Variants in WDR97 observed in about 807,000 individuals in gnomAD.
WDR97 encodes WD repeat-containing protein 97.
Under a neutral mutation model 65.4 loss-of-function variants are expected in WDR97, and 111 were observed. The ratio of observed to expected loss-of-function variants is 1.70; its 90% CI spans 1.45 to 1.99. The LOEUF is 1.99. Among genes scored for constraint, WDR97 ranks in the 30% most tolerant of loss-of-function variants. WDR97 has a pLI of 0.00. For missense variants in WDR97, 1,674 were observed against 865.0 expected (o/e 1.94, Z -11.73); for synonymous variants, 802 against 397.7 (o/e 2.02, Z -12.10).
chr8:144,108,503 C>T lies in WDR97; in HGVS notation c.437C>T (p.Ala146Val). 1 of 700,874 alleles carries T rather than the reference C, an allele frequency of 1.4e-6. No individual in the cohort carries two copies. The highest frequency in any genetic ancestry group is 2.0e-5 in the Admixed American group (1 of 49,970). 43.4% of individuals were successfully genotyped at this position (700,874 alleles called of 1,614,324 possible). Residue 146 changes from alanine (A) to valine (V), a missense_variant, in exon 3 of 24, where the codon GCG (alanine) becomes GTG (valine). Physicochemically the swap from Ala to Val is moderately conservative, Grantham distance 64. Coordinates refer to ENST00000323662, the MANE Select transcript of WDR97 (RefSeq NM_001316309.2). ...GGCTGGGCACAGGAGACGCTGCTGG[C>T]GCCTGTCCGGCTTACGGGGCTGGTG... ...EDGWAQETLL[A>V]PVRLTGLVTV...
Position 144,109,701 on chromosome 8 carries a change from A to G in WDR97, c.1367A>G (p.Tyr456Cys), listed in dbSNP as rs530302238. 1.2e-4 allele frequency: 81 copies of G among 677,396 alleles called. No individual in the cohort carries two copies. In the African/African-American group the frequency reaches 1.3e-3, roughly 11 times the overall value. The allele number at this position is 677,396 out of a possible 1,614,324, so 42.0% of individuals were successfully genotyped here. A position where few individuals can be genotyped will look rare whatever the true frequency, so the allele number is the denominator to read the frequency against. The change falls in exon 5 of 24, where the codon TAC becomes TGC. Residue 456 changes from tyrosine to cysteine, a missense_variant. Physicochemically the swap from Tyr to Cys is radical, Grantham distance 194. Transcript: ENST00000323662. Reference sequence around the variant, plus strand: ...TGCGCGTGCGCCGACGGCTCGGTCTACCTCCTGTCGGCGGCCACCGGGCGC... The same window carrying G: ...TGCGCGTGCGCCGACGGCTCGGTCTGCCTCCTGTCGGCGGCCACCGGGCGC... ...LVCACADGSV[Y>C]LLSAATGRIV...
intron 15 of WDR97, chr8:144,113,039 G>T (rs1028967030): frequency 1.3e-4 from 44 of 335,372 alleles, no homozygotes; most frequent in South Asian, 3.9e-4. Context: ...TGACTCTTTG[G>T]GCCTGGGTGC....
At chr8:144,112,920 C>T (rs1030895519) in intron 15 of WDR97, 1 of 305,742 alleles carries the variant, frequency 3.3e-6, no homozygotes, top group Non-Finnish European at 6.1e-6. Context: ...GGGAACCTGG[C>T]CCTTTAGAAT....
chr8:144,115,578 T>C lies in WDR97; in HGVS notation c.4315T>C (p.Ser1439Pro). 2.9e-6 allele frequency: 2 copies of C among 692,828 alleles called. No homozygotes were observed. Among genetic ancestry groups the C allele is most frequent in the South Asian group, 3.0e-5 (2 of 67,126 alleles). The allele number at this position is 692,828 out of a possible 1,614,324, so 42.9% of individuals were successfully genotyped here. A position where few individuals can be genotyped will look rare whatever the true frequency, so the allele number is the denominator to read the frequency against. Residue 1439 changes from serine (S) to proline (P), a missense_variant, in exon 22 of 24, where the codon TCC (serine) becomes CCC (proline). Coordinates refer to ENST00000323662, the MANE Select transcript of WDR97 (RefSeq NM_001316309.2). ...GTPQLRLRVL[S>P]ETLKSFCLEP... ...CCCTCAGCTCCGTCTCAGAGTGCTCTCCGAGACGCTGAAGAGCTTCTGCCT... is the reference window on the plus strand; with the variant it reads ...CCCTCAGCTCCGTCTCAGAGTGCTCCCCGAGACGCTGAAGAGCTTCTGCCT...
At chr8:144,110,810 A>G (rs995557173) in intron 8 of WDR97, 54 bp from the exon 9 acceptor site, 7 of 702,308 alleles carry the variant, frequency 1.0e-5, no homozygotes, top group Non-Finnish European at 1.8e-5. Context: ...GGCTGGACTG[A>G]GTGGAGAAGG....
intron 21 of WDR97, among the ~76,000 whole-genome samples, 166 bp from the exon 22 acceptor site, chr8:144,115,175 G>A (rs780667370): frequency 3.3e-5 from 5 of 152,326 alleles, no homozygotes; most frequent in African/African-American, 7.2e-5. Flanking sequence ...GCTGAGCATC[G>A]GGCAGAAGGG....
rs1162977908 is a variant in WDR97, at chr8:144,111,128, G to A, written c.2332G>A (p.Val778Met). The change falls in exon 10 of 24, where the codon GTG becomes ATG. Residue 778 changes from valine (V) to methionine (M), a missense_variant. Physicochemically the swap from Val to Met is conservative, Grantham distance 21 (BLOSUM62 1). Transcript: ENST00000323662. ...GATGTGCCGGAAGGCCCCAGACGTG[G>A]TGGACGACCCTCCGCTGCCACTGAT... ...KKMCRKAPDV[V>M]DDPPLPLMSQ... 3 of 702,636 alleles carry A rather than the reference G, an allele frequency of 4.3e-6. No homozygotes were observed. The highest frequency in any genetic ancestry group is 1.5e-5 in the South Asian group (1 of 67,610). 43.5% of individuals were successfully genotyped at this position (702,636 alleles called of 1,614,324 possible).
chr8:144,108,880 G>A lies in WDR97; in HGVS notation c.814G>A (p.Ala272Thr). The A allele has an allele frequency of 1.4e-6, 1 of 702,926 alleles. No homozygotes were observed. Among genetic ancestry groups the A allele is most frequent in the Non-Finnish European group, 2.6e-6 (1 of 384,986 alleles). The allele number at this position is 702,926 out of a possible 1,614,324, so 43.5% of individuals were successfully genotyped here. A position where few individuals can be genotyped will look rare whatever the true frequency, so the allele number is the denominator to read the frequency against. ...VLRCFAAYGS[A>T]VLTFDLHAWT... Reference sequence around the variant, plus strand: ...GCGCTGCTTCGCGGCCTATGGCTCGGCCGTGCTCACCTTCGATCTGCATGC... The same window carrying A: ...GCGCTGCTTCGCGGCCTATGGCTCGACCGTGCTCACCTTCGATCTGCATGC... Residue 272 changes from alanine to threonine, a missense_variant, in exon 3 of 24, where the codon GCC (alanine) becomes ACC (threonine). Transcript: ENST00000323662.
Position 144,110,915 on chromosome 8 carries a change from T to A in WDR97, c.2223T>A (p.Ser741Arg). The A allele has an allele frequency of 4.3e-6, 3 of 702,820 alleles. No homozygotes were observed. The highest frequency in any genetic ancestry group is 7.8e-6 in the Non-Finnish European group (3 of 384,978). 43.5% of individuals were successfully genotyped at this position (702,820 alleles called of 1,614,324 possible). ...AGGCCCTGGCTTTCTGCAGCAACAGTGGAGACCTGGTGCTGGCGCTGGGAT... is the reference window on the plus strand; with the variant it reads ...AGGCCCTGGCTTTCTGCAGCAACAGAGGAGACCTGGTGCTGGCGCTGGGAT... ...APQALAFCSNSGDLVLALGSR... is the reference protein window; with the variant it reads ...APQALAFCSNRGDLVLALGSR... The change falls in exon 9 of 24, where the codon AGT becomes AGA. Residue 741 changes from serine to arginine, a missense_variant. Physicochemically the swap from Ser to Arg is moderately radical, Grantham distance 110 (BLOSUM62 -1). Transcript: ENST00000323662.
At chr8:144,111,280 G>T (rs1333379078) in intron 10 of WDR97, 58 bp downstream of exon 10, 1 of 702,596 alleles carries the variant, frequency 1.4e-6, no homozygotes, top group Non-Finnish European at 2.6e-6. Context: ...TCTGGGTGGG[G>T]GCCTGGCGGT....
chr8:144,111,351 GT>G, intron 10 of WDR97, 74 bp from the exon 11 acceptor site: 1 of 702,706 alleles, frequency 1.4e-6, no homozygotes, highest in Non-Finnish European at 2.6e-6. Context: ...TTTGGGGTTG[GT>G]CCTTGTCCCA....
rs951567074 is a variant in WDR97 at position 144,115,646 on chromosome 8, G to A, written c.4383G>A (p.Leu1461=). The change falls in exon 22 of 24, where the codon CTG becomes CTA. Residue 1461 remains leucine, a synonymous_variant. Transcript: ENST00000323662. The part of the protein sequence containing the change: ...ARLHPAGPAQ[L]PGEPPPLEET... Reference sequence around the variant, plus strand: ...TGCACCCTGCCGGGCCTGCTCAGCTGCCCGGAGAGCCGCCGCCGCTGGAGG... The same window carrying A: ...TGCACCCTGCCGGGCCTGCTCAGCTACCCGGAGAGCCGCCGCCGCTGGAGG... The A allele has an allele frequency of 1.0e-5, 7 of 692,530 alleles. No homozygotes were observed. The highest frequency in any genetic ancestry group is 1.6e-5 in the Non-Finnish European group (6 of 379,592). The allele number at this position is 692,530 out of a possible 1,614,324, so 42.9% of individuals were successfully genotyped here.
chr8:144,110,832 C>G (rs1359309287), intron 8 of WDR97, 32 bp from the exon 9 acceptor site: 1 of 702,604 alleles, frequency 1.4e-6, no homozygotes, highest in South Asian at 1.5e-5. Flanking sequence ...CTTGTCCCTG[C>G]TGAGCCTCGG....
In WDR97 at chr8:144,111,492, G is replaced by T; in HGVS notation, c.2487+6G>T. The stretch of plus-strand genomic sequence containing the variant: ...AGCACCTGGTGCCGAAGGAGGTGGG[G>T]TGGGTCCTCCTTAGCCCGCCCTGCC... On this transcript the variant is annotated splice_donor_region_variant and intron_variant, in intron 11 of 23. Transcript: ENST00000323662. 1 of 702,538 alleles carries T rather than the reference G, an allele frequency of 1.4e-6. No individual in the cohort carries two copies. The highest frequency in any genetic ancestry group is 2.6e-6 in the Non-Finnish European group (1 of 384,844). 43.5% of individuals were successfully genotyped at this position (702,538 alleles called of 1,614,324 possible).
In WDR97 at chr8:144,116,334, C is replaced by A. The variant is rs1836667370; in HGVS notation, c.*41C>A. The A allele has an allele frequency of 1.7e-6, 1 of 588,210 alleles. No homozygotes were observed. Among genetic ancestry groups the A allele is most frequent in the South Asian group, 2.0e-5 (1 of 49,318 alleles). The allele number at this position is 588,210 out of a possible 1,614,324, so 36.4% of individuals were successfully genotyped here. On this transcript the variant is annotated 3_prime_UTR_variant, in exon 24 of 24. Transcript: ENST00000323662. The stretch of plus-strand genomic sequence containing the variant: ...CAGCCCGCCTGGCTCTGGGGCCTGT[C>A]ATTGGTATTTGGCCAAGGCCTGCAT...
chr8:144,110,199 C>G lies in WDR97; in HGVS notation c.1786C>G (p.His596Asp). The change falls in exon 6 of 24, where the codon CAC becomes GAC. Residue 596 changes from histidine (H) to aspartate (D), a missense_variant. His to Asp is a moderately conservative substitution (Grantham distance 81). Transcript: ENST00000323662. ...SSKTVFQTEA[H>D]SPGPVVAIAS... ...GAAGACTGTCTTCCAAACGGAGGCG[C>G]ACAGCCCGGGCCCGGTTGTCGCCAT... 1 of 702,936 alleles carries G rather than the reference C, an allele frequency of 1.4e-6. No homozygotes were observed. The highest frequency in any genetic ancestry group is 2.6e-6 in the Non-Finnish European group (1 of 384,964). The allele number at this position is 702,936 out of a possible 1,614,324, so 43.5% of individuals were successfully genotyped here.
chr8:144,116,481 G>C lies in WDR97; in HGVS notation c.*188G>C. ...CAGTGGCGGCGGAAGGCAGGAGCCGGAGGCCTGGCGGAGGTGGCCATCGTG... is the reference window on the plus strand; with the variant it reads ...CAGTGGCGGCGGAAGGCAGGAGCCGCAGGCCTGGCGGAGGTGGCCATCGTG... On this transcript the variant is annotated 3_prime_UTR_variant, in exon 24 of 24. Coordinates refer to ENST00000323662, the MANE Select transcript of WDR97 (RefSeq NM_001316309.2). 2 of 501,956 alleles carry C rather than the reference G, an allele frequency of 4.0e-6. No individual in the cohort carries two copies. The highest frequency in any genetic ancestry group is 7.0e-6 in the Non-Finnish European group (2 of 286,722). 31.1% of individuals were successfully genotyped at this position (501,956 alleles called of 1,614,324 possible).
chr8:144,112,181 C>A (rs1171883254), intron 13 of WDR97, 37 bp downstream of exon 13: 4 of 701,534 alleles, frequency 5.7e-6, no homozygotes, highest in Non-Finnish European at 1.0e-5. Flanking sequence ...CTGCTGGGCC[C>A]CCATGACCCC....
rs546693329 is a variant in WDR97, at chr8:144,109,651, C to G, written c.1317C>G (p.His439Gln). 4.5e-6 allele frequency: 3 copies of G among 670,786 alleles called. No individual in the cohort carries two copies. Among genetic ancestry groups the G allele is most frequent in the Non-Finnish European group, 8.1e-6 (3 of 371,238 alleles). The allele number at this position is 670,786 out of a possible 1,614,324, so 41.6% of individuals were successfully genotyped here. A position where few individuals can be genotyped will look rare whatever the true frequency, so the allele number is the denominator to read the frequency against. The change falls in exon 5 of 24, where the codon CAC becomes CAG. Residue 439 changes from histidine to glutamine, a missense_variant. By Grantham distance (24) the His-to-Gln change is conservative. Coordinates refer to ENST00000323662, the MANE Select transcript of WDR97 (RefSeq NM_001316309.2). The part of the protein sequence containing the change: ...QVAPALPAPA[H>Q]QSLPTRLVCA... ...CGCCCGCGTTGCCCGCGCCTGCGCA[C>G]CAGTCGCTGCCTACGCGCCTCGTGT...
Sources: allele counts gnomAD v4.1 joint callset (sites outside exome capture counted in the v4.1 genomes callset), GRCh38; gene constraint gnomAD v4.1.1; transcripts MANE v1.5; gene names NCBI Gene and HGNC (gene_info 2026-07-23, HGNC 2026-07-21).